Variants in ITGB4 observed in about 807,000 individuals in gnomAD.
ITGB4 encodes integrin subunit beta 4.
ITGB4 carries 159 observed loss-of-function variants against 207.6 expected under a neutral mutation model. That is an observed-to-expected ratio of 0.77 (90% CI 0.67 to 0.87). The LOEUF (loss-of-function observed/expected upper bound fraction) is 0.87. Ranked by LOEUF, ITGB4 falls within the 40% of genes least tolerant of loss-of-function variation. The pLI is 0.00. For synonymous variants in ITGB4, 1,020 were observed against 1,062.7 expected (o/e 0.96, Z 0.78); for missense variants, 2,278 against 2,546.8 (o/e 0.89, Z 2.27).
Position 75,757,511 on chromosome 17 carries a change from G to A in ITGB4, c.5425G>A (p.Gly1809Arg), listed in dbSNP as rs370673042. 73 of 1,613,236 alleles carry A rather than the reference G, an allele frequency of 4.5e-5. No individual in the cohort carries two copies. The highest frequency in any genetic ancestry group is 6.7e-5 in the East Asian group (3 of 44,892). ...TGTGAGCCGGACACTGACCACCAGC[G>A]GAACCCTTAGCACCCACATGGACCA... is the stretch of plus-strand genomic sequence containing the variant. ...EFVSRTLTTSGTLSTHMDQQF... is the reference protein window; with the variant it reads ...EFVSRTLTTSRTLSTHMDQQF... The change falls in exon 40 of 40, where the codon GGA becomes AGA. Residue 1809 changes from glycine (G) to arginine (R), a missense_variant. Transcript: ENST00000200181.
At chr17:75,736,770 C>T in intron 16 of ITGB4, 76 bp downstream of exon 16, 1 of 1,495,468 alleles carries the variant, frequency 6.7e-7, no homozygotes. Flanking sequence ...GGTGTCATCA[C>T]CTGGACGGGG....
At position 75,727,214 on chromosome 17, in the gene ITGB4, C is replaced by G; in HGVS notation, c.99C>G (p.Ala33=). The G allele has an allele frequency of 6.2e-7, 1 of 1,614,010 alleles. No individual in the cohort carries two copies. The highest frequency in any genetic ancestry group is 8.5e-7 in the Non-Finnish European group (1 of 1,179,968). The change falls in exon 3 of 40, where the codon GCC becomes GCG. Residue 33 remains alanine (A), a synonymous_variant. Coordinates refer to ENST00000200181, the MANE Select transcript of ITGB4 (RefSeq NM_000213.5). The surrounding 1 kb of genome is among the most constrained non-coding windows in gnomAD (Gnocchi z 6.0). The part of the protein sequence containing the change: ...SGTLANRCKK[A]PVKSCTECVR... Reference sequence around the variant, plus strand: ...CCCCAGCAAACCGCTGCAAGAAGGCCCCAGTGAAGAGCTGCACGGAGTGTG... The same window carrying G: ...CCCCAGCAAACCGCTGCAAGAAGGCGCCAGTGAAGAGCTGCACGGAGTGTG...
intron 33 of ITGB4, 102 bp from the exon 34 acceptor site, chr17:75,754,474 C>T: frequency 6.7e-7 from 1 of 1,495,824 alleles, no homozygotes; most frequent in Non-Finnish European, 9.2e-7. Flanking sequence ...AAGCAAAAGC[C>T]ACCCAGAGGG....
In ITGB4 at chr17:75,737,659, T is replaced by C. The variant is rs2061011778; in HGVS notation, c.2220+15T>C. ...CCTGCTGCAAGGTGAGCACCCAGGG[T>C]GCCTCCCAAGGCCCCACATCCCAGG... On this transcript the variant is annotated intron_variant, in intron 18 of 39. Transcript: ENST00000200181. The C allele has an allele frequency of 1.2e-6, 2 of 1,609,150 alleles. No individual in the cohort carries two copies. The highest frequency in any genetic ancestry group is 1.7e-6 in the Non-Finnish European group (2 of 1,178,102).
chr17:75,739,753 C>G lies in ITGB4; in HGVS notation c.2254+48C>G. ...GCAGCAGGGGCTCTGACTGCTCTTT[C>G]TCTGAGCTGGGGTGGAGGGAAGCTG... On this transcript the variant is annotated intron_variant, in intron 19 of 39. Transcript: ENST00000200181. The surrounding 1 kb of genome is among the most constrained non-coding windows in gnomAD (Gnocchi z 5.4). The G allele has an allele frequency of 6.2e-7, 1 of 1,612,960 alleles. No homozygotes were observed. Among genetic ancestry groups the G allele is most frequent in the Non-Finnish European group, 8.5e-7 (1 of 1,179,018 alleles).
chr17:75,756,668 A>G (rs1361363436), intron 36 of ITGB4, 36 bp from the exon 37 acceptor site: 2 of 1,611,720 alleles, frequency 1.2e-6, no homozygotes, highest in South Asian at 2.2e-5. Context: ...CCCACCACCC[A>G]CCCACAGGCT....
chr17:75,724,834 A>AATGCCTGCCCAAG, intron 2 of ITGB4, 52 bp downstream of exon 2: 2 of 1,480,678 alleles, frequency 1.4e-6, no homozygotes, highest in Non-Finnish European at 1.9e-6. Flanking sequence ...TCCCTTGGGC[A>AATGCCTGCCCAAG]GGCATTGCCC....
In ITGB4 at chr17:75,727,635, C is replaced by T. The variant is rs1435987104; in HGVS notation, c.265-16C>T. On this transcript the variant is annotated splice_polypyrimidine_tract_variant and intron_variant, in intron 4 of 39. Transcript: ENST00000200181. This position sits in a 1 kb window ranked among gnomAD's most constrained non-coding sequence, Gnocchi z 6.0. ...GAGTGACCCTCTAGCCAGCTGTCCCCTTCCACTGGCTGCAGGAGACCCAGA... is the reference window on the plus strand; with the variant it reads ...GAGTGACCCTCTAGCCAGCTGTCCCTTTCCACTGGCTGCAGGAGACCCAGA... The T allele has an allele frequency of 6.3e-7, 1 of 1,595,878 alleles. No homozygotes were observed. Among genetic ancestry groups the T allele is most frequent in the Non-Finnish European group, 8.5e-7 (1 of 1,171,526 alleles).
intron 2 of ITGB4, among the ~76,000 whole-genome samples, chr17:75,726,003 G>A (rs1349273473): frequency 1.3e-5 from 2 of 152,236 alleles, no homozygotes; most frequent in African/African-American, 4.8e-5. Context: ...AGCAGGCCAG[G>A]GGGTGGCCAG....
At position 75,731,174 on chromosome 17, in the gene ITGB4, G is replaced by A; in HGVS notation, c.1093-72G>A. On this transcript the variant is annotated intron_variant, in intron 9 of 39. Coordinates refer to ENST00000200181, the MANE Select transcript of ITGB4 (RefSeq NM_000213.5). The surrounding 1 kb of genome is among the most constrained non-coding windows in gnomAD (Gnocchi z 6.8). ...CTCTGTGATACCCCGCATGATGCCA[G>A]CCACACTTGGAGGTTGGGGTGGAGC... 1 of 1,610,520 alleles carries A rather than the reference G, an allele frequency of 6.2e-7. No homozygotes were observed. The highest frequency in any genetic ancestry group is 1.3e-5 in the African/African-American group (1 of 75,008).
Position 75,753,802 on chromosome 17 carries a change from G to A in ITGB4, c.4146G>A (p.Glu1382=). ...GWKFEPLLGE[E]LDLRRVTWRL... Reference sequence around the variant, plus strand: ...AGTTCGAGCCCCTGCTGGGGGAGGAGCTGGACCTGCGGCGCGTCACGTGGC... The same window carrying A: ...AGTTCGAGCCCCTGCTGGGGGAGGAACTGGACCTGCGGCGCGTCACGTGGC... Residue 1382 remains glutamate, a synonymous_variant, in exon 33 of 40, where the codon GAG becomes GAA. Coordinates refer to ENST00000200181, the MANE Select transcript of ITGB4 (RefSeq NM_000213.5). The A allele has an allele frequency of 6.8e-7, 1 of 1,465,812 alleles. No homozygotes were observed. The highest frequency in any genetic ancestry group is 2.7e-5 in the East Asian group (1 of 36,400). 90.8% of individuals were successfully genotyped at this position (1,465,812 alleles called of 1,614,324 possible).
chr17:75,724,188 AGCCCCAG>A, intron 1 of ITGB4, among the ~76,000 whole-genome samples: 1 of 152,348 alleles, frequency 6.6e-6, no homozygotes, highest in East Asian at 1.9e-4. Context: ...GCTGTGGCCC[AGCCCCAG>A]GCCCCAGATA....
intron 13 of ITGB4, among the ~76,000 whole-genome samples, chr17:75,735,585 G>A (rs2060958895): frequency 1.3e-5 from 2 of 151,362 alleles, no homozygotes; most frequent in Non-Finnish European, 1.5e-5. Context: ...GCTAATTTTT[G>A]TATTTTTAGT....
At chr17:75,737,511 C>T (rs373637299) in intron 17 of ITGB4, 27 bp from the exon 18 acceptor site, 1 of 1,555,674 alleles carries the variant, frequency 6.4e-7, no homozygotes, top group African/African-American at 1.4e-5. Flanking sequence ...GGACAGGCAC[C>T]ACCTCCCCCT....
Position 75,753,881 on chromosome 17 carries a change from G to T in ITGB4, c.4225G>T (p.Asp1409Tyr). The change falls in exon 33 of 40, where the codon GAC becomes TAC. Residue 1409 changes from aspartate to tyrosine, a missense_variant. Physicochemically the swap from Asp to Tyr is radical, Grantham distance 160 (BLOSUM62 -3). Coordinates refer to ENST00000200181, the MANE Select transcript of ITGB4 (RefSeq NM_000213.5). ...RLSASSGRSSDAEAPHGPPDD... is the reference protein window; with the variant it reads ...RLSASSGRSSYAEAPHGPPDD... ...GTCGGCCAGCAGCGGGCGCTCCTCC[G>T]ACGCCGAGGCGCCCCACGGGCCCCC... 1 of 1,324,302 alleles carries T rather than the reference G, an allele frequency of 7.6e-7. No homozygotes were observed. The highest frequency in any genetic ancestry group is 9.6e-7 in the Non-Finnish European group (1 of 1,040,502). The allele number at this position is 1,324,302 out of a possible 1,614,324, so 82.0% of individuals were successfully genotyped here.
chr17:75,739,709 T>C lies in ITGB4; in HGVS notation c.2254+4T>C, dbSNP rs1298924596. 2 of 1,613,988 alleles carry C rather than the reference T, an allele frequency of 1.2e-6. No individual in the cohort carries two copies. Among genetic ancestry groups the C allele is most frequent in the African/African-American group, 1.3e-5 (1 of 74,898 alleles). ...CTTCTCCCGTGCTGCAACCGAGGTATGGGCCTGGCATCGCAGGGGCAGCAG... is the reference window on the plus strand; with the variant it reads ...CTTCTCCCGTGCTGCAACCGAGGTACGGGCCTGGCATCGCAGGGGCAGCAG... On this transcript the variant is annotated splice_donor_region_variant and intron_variant, in intron 19 of 39. Transcript: ENST00000200181. This position sits in a 1 kb window ranked among gnomAD's most constrained non-coding sequence, Gnocchi z 5.4.
rs1421785932 is a variant in ITGB4 at position 75,754,437 on chromosome 17, G to A, written c.4319-139G>A. On this transcript the variant is annotated intron_variant, in intron 33 of 39. Transcript: ENST00000200181. ...CAGGGACAGAGGGCCTCTGTCCCTA[G>A]TGGTTTGAGGGAAACTGGTTGTATT... 4 of 1,057,694 alleles carry A rather than the reference G, an allele frequency of 3.8e-6. No homozygotes were observed. In the Admixed American group the frequency reaches 5.5e-5, roughly 15 times the overall value. The allele number at this position is 1,057,694 out of a possible 1,614,324, so 65.5% of individuals were successfully genotyped here.
chr17:75,736,471 C>T, intron 15 of ITGB4, 85 bp downstream of exon 15: 1 of 1,608,236 alleles, frequency 6.2e-7, no homozygotes, highest in Admixed American at 1.7e-5. Flanking sequence ...CCTGATGCCA[C>T]AGGAGCTGGC....
intron 26 of ITGB4, among the ~76,000 whole-genome samples, chr17:75,745,648 G>A (rs777936960): frequency 7.2e-4 from 110 of 152,140 alleles, no homozygotes; most frequent in Non-Finnish European, 8.7e-4. Context: ...GGAGGCCAAG[G>A]CAGGTGGATC....
Sources: gnomAD v4.1 joint callset for allele counts (sites outside exome capture counted in the v4.1 genomes callset) on GRCh38, gnomAD v4.1.1 for gene constraint, Gnocchi (gnomAD v3.1) non-coding constraint, MANE v1.5 for transcripts, NCBI Gene and HGNC (gene_info 2026-07-23, HGNC 2026-07-21) for gene names.